The following NEURL1B variants were observed in gnomAD, a reference collection of about 807,000 sequenced individuals.
NEURL1B encodes the protein neuralized E3 ubiquitin protein ligase 1B.
A neutral mutation model predicts 37.4 loss-of-function variants in NEURL1B; 13 were observed. The ratio of observed to expected loss-of-function variants is 0.35; its 90% CI spans 0.23 to 0.55. The LOEUF is 0.55. Among genes scored for constraint, NEURL1B ranks in the 20% least tolerant of loss-of-function variants. The pLI is 0.89. For synonymous variants in NEURL1B, 432 were observed against 426.6 expected (o/e 1.01, Z -0.16); for missense variants, 790 against 879.2 (o/e 0.90, Z 1.28).
rs147474603 is a variant in NEURL1B, at chr5:172,687,298, TGAGAGA to T, written c.*386_*391del. 3 of 191,276 alleles carry T rather than the reference TGAGAGA, an allele frequency of 1.6e-5. No individual in the cohort carries two copies. Among genetic ancestry groups the T allele is most frequent in the Admixed American group, 1.1e-4 (2 of 18,040 alleles). 11.8% of individuals were successfully genotyped at this position (191,276 alleles called of 1,614,324 possible). A position where few individuals can be genotyped will look rare whatever the true frequency, so the allele number is the denominator to read the frequency against. ...AGGGAGAACAGAGAGAATGTGTGTG[TGAGAGA>T]GAGAGAGAGAGAATGAACGTGTAGC... On this transcript the variant is annotated 3_prime_UTR_variant, in exon 5 of 5. Coordinates refer to ENST00000369800, the MANE Select transcript of NEURL1B (RefSeq NM_001142651.3).
intron 1 of NEURL1B, among the ~76,000 whole-genome samples, chr5:172,650,404 T>G (rs551613635): frequency 1.3e-5 from 2 of 152,312 alleles, no homozygotes; most frequent in East Asian, 3.9e-4. Context: ...TCAGAATCCC[T>G]GTCCCAGCTC....
At position 172,657,926 on chromosome 5, in the gene NEURL1B, T is replaced by TA. The variant is rs1757825059; in HGVS notation, c.32-11856dup. On this transcript the variant is annotated intron_variant, in intron 1 of 4. Transcript: ENST00000369800. The surrounding 1 kb of genome is among the most constrained non-coding windows in gnomAD (Gnocchi z 4.0). ...GTGGTAGAAGGAATAGGGAAAATCTTAAAGTGTTTGATCTTTCTTATAAGT... is the reference window on the plus strand; with the variant it reads ...GTGGTAGAAGGAATAGGGAAAATCTTAAAAGTGTTTGATCTTTCTTATAAGT... Among the ~76,000 whole-genome samples the TA allele has an allele frequency of 6.6e-6, 1 of 152,198 alleles. No homozygotes were observed. Among genetic ancestry groups the TA allele is most frequent in the South Asian group, 2.1e-4 (1 of 4,822 alleles).
chr5:172,654,010 G>C (rs1757717280), intron 1 of NEURL1B, among the ~76,000 whole-genome samples: 1 of 151,876 alleles, frequency 6.6e-6, no homozygotes, highest in Non-Finnish European at 1.5e-5. Context: ...TTCCCCTAAA[G>C]ATGATAACCA....
In NEURL1B at chr5:172,689,051, C is replaced by A. The variant is rs1758574718; in HGVS notation, c.*2126C>A. ...CCAGCCTCCACTGGGAAACCAGTGA[C>A]TGAGGCCTGGACCCAGAGGTGGACC... On this transcript the variant is annotated 3_prime_UTR_variant, in exon 5 of 5. Transcript: ENST00000369800. The A allele has an allele frequency of 6.6e-6, 1 of 152,274 alleles. No individual in the cohort carries two copies. Among genetic ancestry groups the A allele is most frequent in the African/African-American group, 2.4e-5 (1 of 41,462 alleles). The allele number at this position is 152,274 out of a possible 1,614,324, so 9.4% of individuals were successfully genotyped here.
intron 1 of NEURL1B, among the ~76,000 whole-genome samples, chr5:172,651,876 C>T (rs1757672513): frequency 6.6e-6 from 1 of 152,204 alleles, no homozygotes; most frequent in Non-Finnish European, 1.5e-5. Flanking sequence ...GTAAGGGCTT[C>T]TCTTGCTTTA....
chr5:172,671,495 ATTTTTCACCATAGG>A (rs1291745693), intron 2 of NEURL1B, among the ~76,000 whole-genome samples: 2 of 151,986 alleles, frequency 1.3e-5, no homozygotes, highest in Non-Finnish European at 2.9e-5. Flanking sequence ...CACTGTTCTG[ATTTTTCACCATAGG>A]TTAGTTTTGC....
rs1324983033 is a variant in NEURL1B, at chr5:172,675,147, G to A, written c.577+4817G>A. On this transcript the variant is annotated intron_variant, in intron 2 of 4. Coordinates refer to ENST00000369800, the MANE Select transcript of NEURL1B (RefSeq NM_001142651.3). This position sits in a 1 kb window ranked among gnomAD's most constrained non-coding sequence, Gnocchi z 4.7. ...CCGCCTCGGCCTCCAAAAGTGCTGG[G>A]ATTACAGGCATGAGCCACCATGCCT... is the stretch of plus-strand genomic sequence containing the variant. 6.6e-6 allele frequency among the ~76,000 whole-genome samples: 1 copy of A among 152,184 alleles called. No individual in the cohort carries two copies. The highest frequency in any genetic ancestry group is 1.5e-5 in the Non-Finnish European group (1 of 68,034).
chr5:172,675,469 G>A lies in NEURL1B; in HGVS notation c.577+5139G>A, dbSNP rs962236163. Among the ~76,000 whole-genome samples the A allele has an allele frequency of 6.6e-5, 10 of 152,130 alleles. No individual in the cohort carries two copies. The highest frequency in any genetic ancestry group is 2.1e-4 in the South Asian group (1 of 4,818). ...GGGGTACAGATCAGGAGGGGCTTGC[G>A]GGTCCTGGAGTGGGTCCATCCTGAG... On this transcript the variant is annotated intron_variant, in intron 2 of 4. Coordinates refer to ENST00000369800, the MANE Select transcript of NEURL1B (RefSeq NM_001142651.3). The surrounding 1 kb of genome is among the most constrained non-coding windows in gnomAD (Gnocchi z 4.7).
In NEURL1B at chr5:172,686,308, C is replaced by T. The variant is rs1207292353; in HGVS notation, c.1423+12C>T. ...TGAGTCATCCCTGGGTAAGGAAATG[C>T]AAACCCTGGCAGGGGCAGGGGCTGG... On this transcript the variant is annotated intron_variant, in intron 4 of 4. Transcript: ENST00000369800. This position sits in a 1 kb window ranked among gnomAD's most constrained non-coding sequence, Gnocchi z 7.9. 2 of 1,551,182 alleles carry T rather than the reference C, an allele frequency of 1.3e-6. No individual in the cohort carries two copies. The highest frequency in any genetic ancestry group is 2.0e-5 in the Admixed American group (1 of 50,966).
At chr5:172,646,025 G>C (rs574486344) in intron 1 of NEURL1B, among the ~76,000 whole-genome samples, 23 of 152,300 alleles carry the variant, frequency 1.5e-4, no homozygotes, top group African/African-American at 5.1e-4. Flanking sequence ...TTTTGTTTCA[G>C]TTGCGCATGC....
In NEURL1B at chr5:172,683,692, C is replaced by T; in HGVS notation, c.851C>T (p.Ala284Val). The T allele has an allele frequency of 7.4e-7, 1 of 1,350,544 alleles. No homozygotes were observed. Among genetic ancestry groups the T allele is most frequent in the East Asian group, 3.7e-5 (1 of 26,922 alleles). 83.7% of individuals were successfully genotyped at this position (1,350,544 alleles called of 1,614,324 possible). The change falls in exon 3 of 5, where the codon GCA becomes GTA. Residue 284 changes from alanine to valine, a missense_variant. Ala to Val is a moderately conservative substitution (Grantham distance 64). Transcript: ENST00000369800. The surrounding 1 kb of genome is among the most constrained non-coding windows in gnomAD (Gnocchi z 5.6). The part of the protein sequence containing the change: ...ALLEADLRFH[A>V]TRGPDVSLSA... ...CTGGAGGCCGACCTGCGCTTCCACG[C>T]AACACGCGGGCCCGACGTGAGCCTG...
intron 1 of NEURL1B, among the ~76,000 whole-genome samples, chr5:172,651,460 G>A (rs556596258): frequency 1.3e-5 from 2 of 152,256 alleles, no homozygotes; most frequent in East Asian, 1.9e-4. Context: ...TCATTTACCC[G>A]AGTTGCTGGC....
At chr5:172,649,504 G>C (rs1026324287) in intron 1 of NEURL1B, among the ~76,000 whole-genome samples, 13 of 151,694 alleles carry the variant, frequency 8.6e-5, no homozygotes, top group African/African-American at 3.2e-4. Context: ...TGAGACTATA[G>C]GCACCCACTG....
intron 2 of NEURL1B, among the ~76,000 whole-genome samples, chr5:172,672,765 T>TA (rs549671384): frequency 3.9e-5 from 6 of 152,144 alleles, no homozygotes; most frequent in Non-Finnish European, 8.8e-5. Flanking sequence ...CTTTTTTTTT[T>TA]AATCTGCCTC....
At chr5:172,644,271 G>A (rs1314520670) in intron 1 of NEURL1B, among the ~76,000 whole-genome samples, 2 of 152,154 alleles carry the variant, frequency 1.3e-5, no homozygotes, top group Non-Finnish European at 2.9e-5. Context: ...TTACAGTTGA[G>A]AAGCCGAGGC....
chr5:172,686,128 T>G lies in NEURL1B; in HGVS notation c.1298-43T>G. On this transcript the variant is annotated intron_variant, in intron 3 of 4. Transcript: ENST00000369800. The surrounding 1 kb of genome is among the most constrained non-coding windows in gnomAD (Gnocchi z 7.9). ...AAGAACCATGGACTAGCAGGGCAGG[T>G]CCAACCTTCCACTGCCCCTGATGGA... The G allele has an allele frequency of 6.5e-7, 1 of 1,547,632 alleles. No individual in the cohort carries two copies. Among genetic ancestry groups the G allele is most frequent in the South Asian group, 1.2e-5 (1 of 83,528 alleles).
intron 2 of NEURL1B, among the ~76,000 whole-genome samples, chr5:172,679,378 C>T (rs1758301240): frequency 1.3e-5 from 2 of 152,262 alleles, no homozygotes; most frequent in African/African-American, 2.4e-5. Context: ...CTGCGTCTAG[C>T]AGGCGCTCGA....
chr5:172,691,490 A>ATAAT lies in NEURL1B; in HGVS notation c.*4567_*4570dup, dbSNP rs955361970. 13 of 132,972 alleles carry ATAAT rather than the reference A, an allele frequency of 9.8e-5. No individual in the cohort carries two copies. Among genetic ancestry groups the ATAAT allele is most frequent in the Admixed American group, 8.6e-4 (11 of 12,766 alleles). 8.2% of individuals were successfully genotyped at this position (132,972 alleles called of 1,614,324 possible). ...GTCTTTTTATCTGTTTTATATTGAC[A>ATAAT]TAATTTTCCTGTTTAAAAAAATACA... On this transcript the variant is annotated 3_prime_UTR_variant, in exon 5 of 5. Coordinates refer to ENST00000369800, the MANE Select transcript of NEURL1B (RefSeq NM_001142651.3).
At chr5:172,682,717 C>G (rs2113330170) in intron 2 of NEURL1B, among the ~76,000 whole-genome samples, 1 of 152,326 alleles carries the variant, frequency 6.6e-6, no homozygotes, top group African/African-American at 2.4e-5. Context: ...TGAGGACAGA[C>G]CCAGGTCCTC....
Sources: gnomAD v4.1 joint callset for allele counts (sites outside exome capture counted in the v4.1 genomes callset) on GRCh38, gnomAD v4.1.1 for gene constraint, Gnocchi (gnomAD v3.1) non-coding constraint, MANE v1.5 for transcripts, NCBI Gene and HGNC (gene_info 2026-07-23, HGNC 2026-07-21) for gene names.